The following RPS6KC1 variants were observed in gnomAD, a reference collection of about 807,000 sequenced individuals.
RPS6KC1 encodes the protein ribosomal protein S6 kinase C1.
In RPS6KC1, 54 loss-of-function variants were observed where a neutral mutation model predicts 103.8. The observed-to-expected ratio is 0.52, with a 90% CI of 0.42 to 0.65. The LOEUF (loss-of-function observed/expected upper bound fraction) is 0.65. Ranked by LOEUF, RPS6KC1 falls within the 30% of genes least tolerant of loss-of-function variation. The pLI, the probability that RPS6KC1 is intolerant of heterozygous loss-of-function variation, is 0.00. For synonymous variants in RPS6KC1, 439 were observed against 438.7 expected, an observed-to-expected ratio of 1.00 and a Z score of -0.01; for missense variants, 1,151 against 1,253.8, an observed-to-expected ratio of 0.92 and a Z score of 1.24.
chr1:213,814,765 G>A, the RPS6KC1 span, among the ~76,000 whole-genome samples: 11 of 152,148 alleles, frequency 7.2e-5, no homozygotes, highest in African/African-American at 2.4e-4. Flanking sequence ...AAGACATGAA[G>A]GCACAGCAAG....
chr1:213,858,789 A>C, the RPS6KC1 span, among the ~76,000 whole-genome samples: 1 of 152,208 alleles, frequency 6.6e-6, no homozygotes, highest in Non-Finnish European at 1.5e-5. Context: ...GTAAGAAATG[A>C]GTATTTTGCA....
the RPS6KC1 span, among the ~76,000 whole-genome samples, chr1:213,549,335 G>T: frequency 1.3e-5 from 2 of 152,192 alleles, no homozygotes; most frequent in Non-Finnish European, 2.9e-5. Flanking sequence ...AAGGCTCTTG[G>T]ACCAGCAAGG....
the RPS6KC1 span, among the ~76,000 whole-genome samples, chr1:213,742,584 G>A: frequency 6.6e-6 from 1 of 152,238 alleles, no homozygotes; most frequent in Non-Finnish European, 1.5e-5. Flanking sequence ...GGGACAGCTA[G>A]CACTCATTTA....
the RPS6KC1 span, among the ~76,000 whole-genome samples, chr1:213,697,268 C>A: frequency 6.6e-6 from 1 of 151,980 alleles, no homozygotes; most frequent in African/African-American, 2.4e-5. Flanking sequence ...TCAGTGGGAG[C>A]GAGGTGGAAG....
the RPS6KC1 span, among the ~76,000 whole-genome samples, chr1:213,718,521 A>G: frequency 2.0e-5 from 3 of 152,178 alleles, no homozygotes; most frequent in Admixed American, 2.0e-4. Context: ...CCTCTCAGGG[A>G]CCTTTTGAAG....
the RPS6KC1 span, among the ~76,000 whole-genome samples, chr1:213,829,638 G>A: frequency 4.6e-5 from 7 of 152,168 alleles, no homozygotes; most frequent in African/African-American, 1.4e-4. Context: ...ATTCAGATTG[G>A]TTTGTTGTAT....
chr1:213,626,462 TG>T, the RPS6KC1 span, among the ~76,000 whole-genome samples: 1 of 152,212 alleles, frequency 6.6e-6, no homozygotes, highest in Non-Finnish European at 1.5e-5. Flanking sequence ...TGGCTTTTGT[TG>T]TCATTGCTTT....
chr1:213,712,720 C>T, the RPS6KC1 span, among the ~76,000 whole-genome samples: 9 of 152,150 alleles, frequency 5.9e-5, no homozygotes, highest in African/African-American at 9.7e-5. Flanking sequence ...CGGATACCAC[C>T]GTCCCTCACT....
At chr1:213,837,241 A>G in the RPS6KC1 span, 1 of 152,186 alleles carries the variant, frequency 6.6e-6, no homozygotes, top group African/African-American at 2.4e-5. Context: ...CATGGAATAC[A>G]GTAACCCTCT....
At chr1:213,357,628 C>T in the RPS6KC1 span, among the ~76,000 whole-genome samples, 3 of 152,186 alleles carry the variant, frequency 2.0e-5, no homozygotes, top group Admixed American at 6.5e-5. Flanking sequence ...TGTATGACCA[C>T]AGTGGTCCTC....
At chr1:213,497,225 A>T in the RPS6KC1 span, among the ~76,000 whole-genome samples, 1 of 152,240 alleles carries the variant, frequency 6.6e-6, no homozygotes, top group Admixed American at 6.5e-5. Context: ...TTTACTGAAC[A>T]CTGTATGCTA....
the RPS6KC1 span, among the ~76,000 whole-genome samples, chr1:213,546,639 C>T: frequency 1.3e-5 from 2 of 152,038 alleles, no homozygotes; most frequent in East Asian, 3.9e-4. Context: ...GCAGTGTGCC[C>T]AGCTGAAGCT....
the RPS6KC1 span, among the ~76,000 whole-genome samples, chr1:213,575,855 C>G: frequency 6.6e-6 from 1 of 152,154 alleles, no homozygotes; most frequent in East Asian, 1.9e-4. Context: ...ATTTAGCACC[C>G]AGCTCAATAT....
At chr1:213,560,620 A>T in the RPS6KC1 span, among the ~76,000 whole-genome samples, 4 of 152,170 alleles carry the variant, frequency 2.6e-5, no homozygotes, top group Admixed American at 2.6e-4. Flanking sequence ...AACCTTTGAG[A>T]CCCTAAGTAG....
Position 213,239,047 on chromosome 1 carries a change from A to G in RPS6KC1, c.1226-1655A>G, listed in dbSNP as rs1212577161. Among the ~76,000 whole-genome samples the G allele has an allele frequency of 3.9e-5, 6 of 152,228 alleles. No homozygotes were observed. The East Asian group carries it at 1.2e-3, about 29-fold the overall frequency. On this transcript the variant is annotated intron_variant, in intron 10 of 14. Transcript: ENST00000366960. ...CAATGCATAGCTCCTTTTAAACTTC[A>G]GTTGAAATATGGAGAAATGTGAAAC... is the stretch of plus-strand genomic sequence containing the variant.
chr1:213,643,455 A>G, the RPS6KC1 span, among the ~76,000 whole-genome samples: 16 of 151,826 alleles, frequency 1.1e-4, no homozygotes. Flanking sequence ...TTGTAAATAT[A>G]TGGGAATGCT....
At chr1:213,795,662 T>A in the RPS6KC1 span, among the ~76,000 whole-genome samples, 1 of 152,170 alleles carries the variant, frequency 6.6e-6, no homozygotes, top group South Asian at 2.1e-4. Context: ...TTTCGTTTTA[T>A]TTTTTTGAGG....
intron 1 of RPS6KC1, among the ~76,000 whole-genome samples, chr1:213,055,195 T>C (rs2077234807): frequency 6.6e-6 from 1 of 152,226 alleles, no homozygotes; most frequent in African/African-American, 2.4e-5. Context: ...ACAAGTTCCC[T>C]CATGTTCCTT....
chr1:213,381,160 ATAACTT>A, the RPS6KC1 span, among the ~76,000 whole-genome samples: 1 of 152,186 alleles, frequency 6.6e-6, no homozygotes, highest in African/African-American at 2.4e-5. Flanking sequence ...CAAGCGACGA[ATAACTT>A]TAAAGAGTGA....
Sources: gnomAD v4.1 joint callset for allele counts (sites outside exome capture counted in the v4.1 genomes callset) on GRCh38, gnomAD v4.1.1 for gene constraint, MANE v1.5 for transcripts, NCBI Gene and HGNC (gene_info 2026-07-23, HGNC 2026-07-21) for gene names.